ENTPD1: variants seen among roughly 807,000 people sequenced by gnomAD.
The protein encoded by ENTPD1 is ATP diphosphohydrolase.
In ENTPD1, 33 loss-of-function variants were observed where a neutral mutation model predicts 57.0. The observed-to-expected ratio is 0.58, with a 90% CI of 0.44 to 0.77. The LOEUF is 0.77. Among genes scored for constraint, ENTPD1 ranks in the 30% least tolerant of loss-of-function variants. ENTPD1 has a pLI of 0.00. For missense variants in ENTPD1, 501 were observed against 603.4 expected, an observed-to-expected ratio of 0.83 and a Z score of 1.78; for synonymous variants, 202 against 218.8, an observed-to-expected ratio of 0.92 and a Z score of 0.68.
rs941280028 is a variant in ENTPD1, at chr10:95,872,950, A to G, written c.*6567A>G. 3 of 985,330 alleles carry G rather than the reference A, an allele frequency of 3.0e-6. No individual in the cohort carries two copies. Among genetic ancestry groups the G allele is most frequent in the Non-Finnish European group, 3.6e-6 (3 of 829,930 alleles). 61.0% of individuals were successfully genotyped at this position (985,330 alleles called of 1,614,324 possible). On this transcript the variant is annotated 3_prime_UTR_variant, in exon 10 of 10. Coordinates refer to ENST00000371205, the MANE Select transcript of ENTPD1 (RefSeq NM_001776.6). ...TGCCATGCAGCACTTCATTGTACAC[A>G]TTATTAAAACAGAATTTTAAGGATT...
chr10:95,710,079 G>T (rs1187261160), upstream of ENTPD1, among the ~76,000 whole-genome samples: 1 of 150,082 alleles, frequency 6.7e-6, no homozygotes, highest in Non-Finnish European at 1.5e-5. Context: ...CAGCCCCCAA[G>T]ACGTAATTTT....
chr10:95,857,053 G>A (rs575701790), intron 7 of ENTPD1, among the ~76,000 whole-genome samples: 2 of 151,674 alleles, frequency 1.3e-5, no homozygotes, highest in African/African-American at 4.8e-5. Context: ...CTATTTTGAA[G>A]GAAAAGAAAT....
chr10:95,755,903 G>A, upstream of ENTPD1: 1 of 1,512,952 alleles, frequency 6.6e-7, no homozygotes, highest in Non-Finnish European at 8.8e-7. Context: ...AAGAGGGAGG[G>A]AGTAAGGGAG....
In ENTPD1 at chr10:95,866,398, A is replaced by C; in HGVS notation, c.*15A>C. On this transcript the variant is annotated 3_prime_UTR_variant, in exon 10 of 10. Coordinates refer to ENST00000371205, the MANE Select transcript of ENTPD1 (RefSeq NM_001776.6). Reference sequence around the variant, plus strand: ...ATATGGTATAGCAAAAGCAGCTGAAATATGCTGGCTGGAGTGAGGAAAAAA... The same window carrying C: ...ATATGGTATAGCAAAAGCAGCTGAACTATGCTGGCTGGAGTGAGGAAAAAA... 1 of 1,613,958 alleles carries C rather than the reference A, an allele frequency of 6.2e-7. No individual in the cohort carries two copies. The highest frequency in any genetic ancestry group is 1.1e-5 in the South Asian group (1 of 91,032).
At chr10:95,768,506 T>TTCTCTC (rs5787160) in intron 1 of ENTPD1, among the ~76,000 whole-genome samples, 1 of 148,546 alleles carries the variant, frequency 6.7e-6, no homozygotes, top group Non-Finnish European at 1.5e-5. Context: ...TTTTCTTTCT[T>TTCTCTC]TCTCTCTCTC....
At chr10:95,756,448 T>A in intron 1 of ENTPD1, 193 bp downstream of exon 1, 1 of 652,264 alleles carries the variant, frequency 1.5e-6, no homozygotes, top group Non-Finnish European at 2.7e-6. Context: ...AGTCCAGGGT[T>A]GCAGTCAAGG....
intron 1 of ENTPD1, among the ~76,000 whole-genome samples, chr10:95,821,959 A>G: frequency 7.0e-6 from 1 of 143,088 alleles, no homozygotes; most frequent in East Asian, 2.1e-4. Flanking sequence ...CACTTCCTCT[A>G]TGCAATCTGT....
chr10:95,777,931 G>A (rs751111327), intron 1 of ENTPD1, among the ~76,000 whole-genome samples: 4 of 152,208 alleles, frequency 2.6e-5, no homozygotes, highest in Non-Finnish European at 5.9e-5. Flanking sequence ...AAGGCTTTGT[G>A]GGCATGGGAT....
chr10:95,761,671 A>C (rs1407834888), intron 1 of ENTPD1, among the ~76,000 whole-genome samples: 1 of 152,240 alleles, frequency 6.6e-6, no homozygotes, highest in East Asian at 1.9e-4. Flanking sequence ...TGGAATCTTC[A>C]GCACACAAAA....
intron 1 of ENTPD1, among the ~76,000 whole-genome samples, chr10:95,730,576 G>T (rs183052135): frequency 5.3e-5 from 8 of 152,224 alleles, no homozygotes; most frequent in African/African-American, 1.9e-4. Flanking sequence ...GACTTTATTA[G>T]AAACTGATAT....
intron 1 of ENTPD1, among the ~76,000 whole-genome samples, chr10:95,720,714 G>A (rs150402321): frequency 0.034 from 5,139 of 152,276 alleles, 118 homozygotes; most frequent in Non-Finnish European, 0.049. Flanking sequence ...CGTCCCCTGG[G>A]GCAGTGGGCC....
chr10:95,869,502 G>A lies in ENTPD1; in HGVS notation c.*3119G>A, dbSNP rs186692688. The A allele has an allele frequency of 7.0e-5, 67 of 963,820 alleles. No homozygotes were observed. The highest frequency in any genetic ancestry group is 2.5e-4 in the Admixed American group (4 of 16,190). 59.7% of individuals were successfully genotyped at this position (963,820 alleles called of 1,614,324 possible). On this transcript the variant is annotated 3_prime_UTR_variant, in exon 10 of 10. Transcript: ENST00000371205. ...CAATCTCAGGTGATCCTATTGCCTC[G>A]GGCTCCCAAAGTGCTGGGATTACAG...
the ENTPD1 span, among the ~76,000 whole-genome samples, chr10:95,697,268 G>A: frequency 6.6e-6 from 1 of 152,064 alleles, no homozygotes; most frequent in Admixed American, 6.6e-5. Flanking sequence ...TGCTTGCGGT[G>A]GATAGCAGAA....
chr10:95,739,903 G>A (rs1346181602), intron 1 of ENTPD1, among the ~76,000 whole-genome samples: 1 of 152,156 alleles, frequency 6.6e-6, no homozygotes, highest in African/African-American at 2.4e-5. Flanking sequence ...TAAATGTTGT[G>A]TTAGCATGCA....
intron 1 of ENTPD1, among the ~76,000 whole-genome samples, chr10:95,811,403 A>G (rs1359349276): frequency 2.6e-5 from 4 of 152,132 alleles, no homozygotes; most frequent in African/African-American, 9.7e-5. Context: ...AGCTCCTATC[A>G]TCTTTGCCAC....
At chr10:95,758,025 AAAAAAG>A (rs796368611) in intron 1 of ENTPD1, among the ~76,000 whole-genome samples, 21,708 of 126,792 alleles carry the variant, frequency 0.17, 3,082 homozygotes, top group African/African-American at 0.31. Flanking sequence ...AAAAAAAAAA[AAAAAAG>A]ATTTGGACTG....
intron 1 of ENTPD1, among the ~76,000 whole-genome samples, chr10:95,818,804 T>G (rs2098338731): frequency 6.6e-6 from 1 of 152,162 alleles, no homozygotes; most frequent in Non-Finnish European, 1.5e-5. Flanking sequence ...TTAGGACCAG[T>G]CTTCTGAGCT....
intron 1 of ENTPD1, among the ~76,000 whole-genome samples, chr10:95,750,248 C>T (rs959326895): frequency 3.9e-5 from 6 of 152,066 alleles, no homozygotes; most frequent in African/African-American, 9.7e-5. Context: ...CAAAACTTCA[C>T]GGGGGATGAT....
chr10:95,738,757 A>G (rs909611393), intron 1 of ENTPD1, among the ~76,000 whole-genome samples: 2 of 152,200 alleles, frequency 1.3e-5, no homozygotes, highest in African/African-American at 4.8e-5. Flanking sequence ...GAGGGAGATC[A>G]CAACAGCCAA....
Sources: allele counts gnomAD v4.1 joint callset (sites outside exome capture counted in the v4.1 genomes callset), GRCh38; gene constraint gnomAD v4.1.1; transcripts MANE v1.5; gene names NCBI Gene and HGNC (gene_info 2026-07-23, HGNC 2026-07-21).